PHACTR4: variants seen among roughly 807,000 people sequenced by gnomAD.
The protein encoded by PHACTR4 is protein phosphatase 1, regulatory subunit 124.
In PHACTR4, 51 loss-of-function variants were observed where a neutral mutation model predicts 72.7. The observed-to-expected ratio is 0.70, with a 90% confidence interval of 0.56 to 0.89. PHACTR4 has a LOEUF of 0.89. Ranked by LOEUF, PHACTR4 falls within the 40% of genes least tolerant of loss-of-function variation. The probability of loss-of-function intolerance (pLI) is 0.00; values close to 1 mark genes in which losing one functional copy is unlikely to be tolerated. For missense variants in PHACTR4, 731 were observed against 861.8 expected (o/e 0.85, Z 1.90); for synonymous variants, 255 against 302.5 (o/e 0.84, Z 1.63).
chr1:28,407,605 A>G (rs1277223167), intron 2 of PHACTR4, 142 bp downstream of exon 2: 9 of 559,414 alleles, frequency 1.6e-5, no homozygotes, highest in African/African-American at 1.6e-4. Flanking sequence ...TTTTGCTTCT[A>G]TAAGAATTCA....
intron 2 of PHACTR4, among the ~76,000 whole-genome samples, chr1:28,423,531 GT>G (rs1216265660): frequency 1.3e-5 from 2 of 152,116 alleles, no homozygotes; most frequent in African/African-American, 2.4e-5. Context: ...TGGTTAAAAG[GT>G]TATATAAACC....
At chr1:28,458,419 A>C (rs1278249529) in intron 2 of PHACTR4, among the ~76,000 whole-genome samples, 2 of 152,068 alleles carry the variant, frequency 1.3e-5, no homozygotes, top group Non-Finnish European at 2.9e-5. Flanking sequence ...CAGTGCTGGG[A>C]TTACAGAAAT....
intron 1 of PHACTR4, among the ~76,000 whole-genome samples, chr1:28,389,195 A>C (rs1251969197): frequency 6.6e-6 from 1 of 152,164 alleles, no homozygotes; most frequent in Non-Finnish European, 1.5e-5. Context: ...AAAAGATCTG[A>C]ATAGACATTT....
chr1:28,461,853 C>CTT (rs1199914289), intron 4 of PHACTR4, among the ~76,000 whole-genome samples: 8 of 141,588 alleles, frequency 5.7e-5, no homozygotes, highest in East Asian at 2.1e-4. Context: ...TTCTTTCTTT[C>CTT]TTTTTTTTTT....
chr1:28,429,188 C>T (rs1054423335), intron 2 of PHACTR4, among the ~76,000 whole-genome samples: 2 of 152,168 alleles, frequency 1.3e-5, no homozygotes, highest in South Asian at 2.1e-4. Context: ...AACCTTCTGT[C>T]GCTTTCAGCC....
intron 2 of PHACTR4, among the ~76,000 whole-genome samples, chr1:28,414,320 C>T (rs976377829): frequency 6.6e-6 from 1 of 151,868 alleles, no homozygotes; most frequent in African/African-American, 2.4e-5. Flanking sequence ...CCTGCCTCGG[C>T]CTACCAAAGT....
At chr1:28,398,978 C>T (rs779519928) in intron 1 of PHACTR4, among the ~76,000 whole-genome samples, 1 of 152,024 alleles carries the variant, frequency 6.6e-6, no homozygotes, top group African/African-American at 2.4e-5. Context: ...CCGGAAGACA[C>T]GTTAGCCAAG....
intron 9 of PHACTR4, among the ~76,000 whole-genome samples, chr1:28,484,675 A>G (rs1660517786): frequency 6.6e-6 from 1 of 151,598 alleles, no homozygotes; most frequent in Admixed American, 6.6e-5. Context: ...CTTTAAAAAT[A>G]TAAAAACATG....
At chr1:28,392,146 T>C (rs1653101431) in intron 1 of PHACTR4, among the ~76,000 whole-genome samples, 1 of 152,102 alleles carries the variant, frequency 6.6e-6, no homozygotes, top group Non-Finnish European at 1.5e-5. Context: ...AAACAATTCA[T>C]TAGTTTTAAA....
chr1:28,474,216 T>G (rs578114704), intron 7 of PHACTR4, 65 bp downstream of exon 7: 1 of 1,441,520 alleles, frequency 6.9e-7, no homozygotes, highest in Non-Finnish European at 9.4e-7. Context: ...TTGGAAAAAA[T>G]TACTTATAAA....
intron 11 of PHACTR4, among the ~76,000 whole-genome samples, chr1:28,491,293 C>G (rs1025647887): frequency 6.7e-6 from 1 of 149,006 alleles, no homozygotes; most frequent in Non-Finnish European, 1.5e-5. Context: ...CCCACCTCTA[C>G]AAAAAAAAAT....
At chr1:28,442,053 T>C (rs752999210) in intron 2 of PHACTR4, among the ~76,000 whole-genome samples, 2 of 152,102 alleles carry the variant, frequency 1.3e-5, no homozygotes, top group Middle Eastern at 3.2e-3. Context: ...ATAAAAACTG[T>C]TTTTTTGCTC....
chr1:28,408,670 A>ATT (rs202189621), intron 2 of PHACTR4, among the ~76,000 whole-genome samples: 6 of 149,684 alleles, frequency 4.0e-5, no homozygotes, highest in Non-Finnish European at 7.4e-5. Flanking sequence ...ATATATATAT[A>ATT]TTTTTTTTTA....
chr1:28,450,822 T>C (rs1159560850), intron 2 of PHACTR4, among the ~76,000 whole-genome samples: 2 of 151,464 alleles, frequency 1.3e-5, no homozygotes, highest in Admixed American at 1.3e-4. Flanking sequence ...CGTTTTGTTT[T>C]GTTTTTGAGA....
intron 1 of PHACTR4, among the ~76,000 whole-genome samples, chr1:28,370,427 C>G (rs760187383): frequency 2.6e-5 from 4 of 151,992 alleles, no homozygotes; most frequent in African/African-American, 4.8e-5. Flanking sequence ...GAAGCGACCC[C>G]TCTCTCCCAC....
chr1:28,473,322 T>C (rs1659700795), intron 6 of PHACTR4, among the ~76,000 whole-genome samples: 1 of 150,376 alleles, frequency 6.6e-6, no homozygotes, highest in South Asian at 2.1e-4. Context: ...GCCATAGCAA[T>C]GAAGTAAGCT....
chr1:28,401,143 A>G (rs374141484), intron 1 of PHACTR4, among the ~76,000 whole-genome samples: 3 of 152,200 alleles, frequency 2.0e-5, no homozygotes, highest in African/African-American at 7.2e-5. Flanking sequence ...ACATAATTAG[A>G]TAAGTGAGCA....
At chr1:28,430,279 C>T (rs1459264960) in intron 2 of PHACTR4, among the ~76,000 whole-genome samples, 2 of 152,194 alleles carry the variant, frequency 1.3e-5, no homozygotes, top group African/African-American at 4.8e-5. Context: ...CCGCCTCGGC[C>T]TCCCAAAGTG....
chr1:28,370,501 C>G (rs1045169692), intron 1 of PHACTR4, among the ~76,000 whole-genome samples: 1 of 151,796 alleles, frequency 6.6e-6, no homozygotes, highest in African/African-American at 2.4e-5. Flanking sequence ...CTGTGCAGCT[C>G]ACATCTGTGA....
Sources: allele counts gnomAD v4.1 joint callset (sites outside exome capture counted in the v4.1 genomes callset), GRCh38; gene constraint gnomAD v4.1.1; transcripts MANE v1.5; gene names NCBI Gene and HGNC (gene_info 2026-07-23, HGNC 2026-07-21).